Variants in SHLD2 observed in about 807,000 individuals in gnomAD.
SHLD2 encodes RINN1-REV7-interacting novel NHEJ regulator 2.
A neutral mutation model predicts 73.2 loss-of-function variants in SHLD2; 30 were observed. That is an observed-to-expected ratio of 0.41 (90% CI 0.31 to 0.56). The LOEUF (loss-of-function observed/expected upper bound fraction) is 0.56. Ranked by LOEUF, SHLD2 falls within the 20% of genes least tolerant of loss-of-function variation. The probability of loss-of-function intolerance (pLI) is 0.28; values close to 1 mark genes in which losing one functional copy is unlikely to be tolerated. For missense variants in SHLD2, 745 were observed against 1,055.9 expected (o/e 0.71, Z 4.08); for synonymous variants, 285 against 370.1 (o/e 0.77, Z 2.64).
chr10:87,136,713 G>A (rs1483602339), intron 2 of SHLD2, among the ~76,000 whole-genome samples: 1 of 151,774 alleles, frequency 6.6e-6, no homozygotes, highest in African/African-American at 2.4e-5. Context: ...TGAGAAATCT[G>A]TCTCCTACCA....
chr10:87,106,040 G>A (rs1260118791), intron 2 of SHLD2, among the ~76,000 whole-genome samples: 1 of 152,234 alleles, frequency 6.6e-6, no homozygotes, highest in Admixed American at 6.5e-5. Flanking sequence ...TCTTGCTCTT[G>A]TTGCCCAGGC....
intron 9 of SHLD2, among the ~76,000 whole-genome samples, chr10:87,188,794 C>CATGTGTATTCAA (rs1216439446): frequency 6.6e-6 from 1 of 152,072 alleles, no homozygotes; most frequent in Non-Finnish European, 1.5e-5. Context: ...CCTTGGTTCT[C>CATGTGTATTCAA]ATGTGTATTC....
chr10:87,134,387 C>T (rs2134176768), intron 2 of SHLD2, among the ~76,000 whole-genome samples: 1 of 152,196 alleles, frequency 6.6e-6, no homozygotes, highest in East Asian at 1.9e-4. Context: ...AGGAATCCAC[C>T]ATAGATGAGG....
intron 2 of SHLD2, among the ~76,000 whole-genome samples, chr10:87,120,043 A>G (rs565470861): frequency 6.6e-6 from 1 of 152,026 alleles, no homozygotes; most frequent in East Asian, 1.9e-4. Flanking sequence ...CTAATATTCT[A>G]TTCGAAATGC....
chr10:87,100,267 G>A (rs1401365945), intron 2 of SHLD2, among the ~76,000 whole-genome samples: 1 of 152,056 alleles, frequency 6.6e-6, no homozygotes, highest in Non-Finnish European at 1.5e-5. Flanking sequence ...TATCCATTTT[G>A]TGTTACTTTT....
At chr10:87,150,627 G>A (rs1845945855) in intron 2 of SHLD2, among the ~76,000 whole-genome samples, 1 of 151,358 alleles carries the variant, frequency 6.6e-6, no homozygotes, top group South Asian at 2.1e-4. Context: ...CGGGCGTGGT[G>A]GCACAGACTG....
chr10:87,186,222 A>T (rs905174398), intron 8 of SHLD2, among the ~76,000 whole-genome samples: 6 of 152,158 alleles, frequency 3.9e-5, no homozygotes, highest in Non-Finnish European at 8.8e-5. Context: ...TAAAGGGGGA[A>T]GTGGGTTTTT....
chr10:87,106,459 A>C (rs753971228), intron 2 of SHLD2, among the ~76,000 whole-genome samples: 8 of 152,168 alleles, frequency 5.3e-5, no homozygotes, highest in Non-Finnish European at 1.2e-4. Context: ...AGGAATTATG[A>C]TATTTGCAGT....
intron 7 of SHLD2, among the ~76,000 whole-genome samples, chr10:87,176,356 C>T (rs1173617848): frequency 1.3e-5 from 2 of 152,026 alleles, no homozygotes; most frequent in African/African-American, 2.4e-5. Flanking sequence ...CCCTATGTTG[C>T]CCAGTCTGGT....
intron 7 of SHLD2, among the ~76,000 whole-genome samples, chr10:87,177,732 G>A (rs997156872): frequency 2.0e-5 from 3 of 152,046 alleles, no homozygotes; most frequent in African/African-American, 4.8e-5. Context: ...GCCAGAGGGG[G>A]ATGAGGCTAG....
intron 8 of SHLD2, among the ~76,000 whole-genome samples, chr10:87,184,056 A>C (rs1351771330): frequency 1.3e-5 from 2 of 152,316 alleles, no homozygotes; most frequent in Non-Finnish European, 2.9e-5. Context: ...ACATTTAAAC[A>C]TACCCACAAT....
chr10:87,183,157 T>C (rs1259045756), intron 8 of SHLD2, among the ~76,000 whole-genome samples: 2 of 152,138 alleles, frequency 1.3e-5, no homozygotes, highest in Non-Finnish European at 2.9e-5. Context: ...TTGAGAATGG[T>C]CGGAAAATAG....
chr10:87,119,471 T>C (rs1342036035), intron 2 of SHLD2, among the ~76,000 whole-genome samples: 2 of 151,856 alleles, frequency 1.3e-5, no homozygotes, highest in African/African-American at 4.8e-5. Flanking sequence ...TTCAAAATCA[T>C]GTGTATAGGG....
chr10:87,178,834 T>C (rs761354567), intron 7 of SHLD2, among the ~76,000 whole-genome samples: 23 of 152,222 alleles, frequency 1.5e-4, no homozygotes, highest in Non-Finnish European at 2.9e-4. Flanking sequence ...CTAACTCATG[T>C]AGGGATATGT....
At chr10:87,127,530 C>CA (rs1844102425) in intron 2 of SHLD2, among the ~76,000 whole-genome samples, 2 of 52,352 alleles carry the variant, frequency 3.8e-5, no homozygotes, top group Non-Finnish European at 7.0e-5. Context: ...CTCTTACCCG[C>CA]CCCCCCCCAC....
chr10:87,134,305 C>T (rs1263491883), intron 2 of SHLD2, among the ~76,000 whole-genome samples: 1 of 152,134 alleles, frequency 6.6e-6, no homozygotes, highest in African/African-American at 2.4e-5. Flanking sequence ...GAACCAAACT[C>T]CAGAAAGTAA....
intron 3 of SHLD2, among the ~76,000 whole-genome samples, chr10:87,154,534 C>T (rs1257935634): frequency 6.6e-6 from 1 of 151,870 alleles, no homozygotes; most frequent in Non-Finnish European, 1.5e-5. Context: ...GTGTAAGCCA[C>T]CATGCCTGGC....
At chr10:87,104,416 G>C (rs759433725) in intron 2 of SHLD2, among the ~76,000 whole-genome samples, 8 of 148,246 alleles carry the variant, frequency 5.4e-5, no homozygotes, top group Non-Finnish European at 1.2e-4. Flanking sequence ...GCATAATGGC[G>C]AGTGCCTGTA....
intron 2 of SHLD2, among the ~76,000 whole-genome samples, chr10:87,141,914 C>G (rs1161482468): frequency 6.6e-6 from 1 of 151,892 alleles, no homozygotes; most frequent in Non-Finnish European, 1.5e-5. Context: ...GCCTGTAATT[C>G]CAGCTACTCG....
Sources: allele counts gnomAD v4.1 joint callset (sites outside exome capture counted in the v4.1 genomes callset), GRCh38; gene constraint gnomAD v4.1.1; transcripts MANE v1.5; gene names NCBI Gene and HGNC (gene_info 2026-07-23, HGNC 2026-07-21).